Variants in CCDC178 observed in about 807,000 individuals in gnomAD.
The protein encoded by CCDC178 is coiled-coil domain containing 178, also known as coiled-coil domain-containing protein 178.
A neutral mutation model predicts 117.4 loss-of-function variants in CCDC178; 126 were observed. The ratio of observed to expected loss-of-function variants is 1.07; its 90% confidence interval spans 0.93 to 1.24. The LOEUF (loss-of-function observed/expected upper bound fraction) is 1.24, where lower values mean the gene tolerates loss of function less well. Among genes scored for constraint, CCDC178 ranks in the 50% most tolerant of loss-of-function variants. The pLI, the probability that CCDC178 is intolerant of heterozygous loss-of-function variation, is 0.00. For missense variants in CCDC178, 1,030 were observed against 986.9 expected, an observed-to-expected ratio of 1.04 and a Z score of -0.59; for synonymous variants, 283 against 313.4, an observed-to-expected ratio of 0.90 and a Z score of 1.02.
intron 21 of CCDC178, among the ~76,000 whole-genome samples, chr18:33,035,993 GT>G (rs2056437129): frequency 6.6e-6 from 1 of 151,798 alleles, no homozygotes; most frequent in Admixed American, 6.6e-5. Flanking sequence ...GATTTCAAAA[GT>G]TTTTACATTC....
chr18:33,399,384 T>C (rs2063681126), intron 3 of CCDC178, among the ~76,000 whole-genome samples: 1 of 152,208 alleles, frequency 6.6e-6, no homozygotes, highest in African/African-American at 2.4e-5. Context: ...ATTAACCCTT[T>C]TACAAAAGAT....
intron 21 of CCDC178, among the ~76,000 whole-genome samples, chr18:32,990,002 C>T (rs148032988): frequency 1.3e-3 from 200 of 151,984 alleles, no homozygotes; most frequent in African/African-American, 4.4e-3. Flanking sequence ...ATACATTGTT[C>T]GCAGCTGTAA....
intron 11 of CCDC178, 77 bp downstream of exon 11, chr18:33,323,414 T>C: frequency 1.1e-6 from 1 of 917,338 alleles, no homozygotes; most frequent in Non-Finnish European, 1.5e-6. Flanking sequence ...AAATTTTCTA[T>C]ATAGAAATAT....
At chr18:33,185,926 A>C (rs890391578) in intron 20 of CCDC178, among the ~76,000 whole-genome samples, 4 of 151,972 alleles carry the variant, frequency 2.6e-5, no homozygotes, top group East Asian at 1.9e-4. Flanking sequence ...AGAAAAAAAA[A>C]CCACTACACT....
intron 20 of CCDC178, among the ~76,000 whole-genome samples, chr18:33,211,530 A>G (rs172030): frequency 0.16 from 24,330 of 151,536 alleles, 2,715 homozygotes; most frequent in African/African-American, 0.32. Flanking sequence ...AGTGGTTGGT[A>G]AACATTCAAA....
chr18:33,030,735 T>C (rs746781259), intron 21 of CCDC178, among the ~76,000 whole-genome samples: 13 of 151,250 alleles, frequency 8.6e-5, no homozygotes, highest in African/African-American at 3.2e-4. Flanking sequence ...TCACATGAGA[T>C]AGATGATAGA....
At chr18:33,075,819 A>G (rs1288703657) in intron 21 of CCDC178, among the ~76,000 whole-genome samples, 1 of 152,036 alleles carries the variant, frequency 6.6e-6, no homozygotes, top group East Asian at 1.9e-4. Context: ...AAATACAAAA[A>G]TTAGCCAGGC....
At chr18:33,355,458 G>C (rs913301795) in intron 7 of CCDC178, among the ~76,000 whole-genome samples, 1 of 152,154 alleles carries the variant, frequency 6.6e-6, no homozygotes, top group African/African-American at 2.4e-5. Flanking sequence ...GTAATCCTTC[G>C]AGGCTTACCC....
chr18:33,087,809 A>C (rs2145056725), intron 21 of CCDC178, among the ~76,000 whole-genome samples: 1 of 152,324 alleles, frequency 6.6e-6, no homozygotes, highest in South Asian at 2.1e-4. Flanking sequence ...AATACTTATA[A>C]AAATGAGAAT....
chr18:33,337,890 A>T (rs1407741692), intron 9 of CCDC178, among the ~76,000 whole-genome samples: 6 of 152,202 alleles, frequency 3.9e-5, no homozygotes, highest in Admixed American at 3.3e-4. Context: ...AAACGCAACA[A>T]AAACAAAGAT....
chr18:33,036,621 A>G (rs2056449962), intron 21 of CCDC178, among the ~76,000 whole-genome samples: 1 of 151,946 alleles, frequency 6.6e-6, no homozygotes, highest in Admixed American at 6.6e-5. Context: ...AGGGTGGGAA[A>G]CAACTTGGTG....
intron 11 of CCDC178, among the ~76,000 whole-genome samples, chr18:33,320,708 T>G (rs1348202599): frequency 3.9e-5 from 6 of 152,144 alleles, no homozygotes; most frequent in Non-Finnish European, 5.9e-5. Context: ...AAGCTACCAA[T>G]GACTTTCTTC....
intron 7 of CCDC178, 112 bp from the exon 8 acceptor site, chr18:33,349,087 C>T (rs576650486): frequency 4.9e-6 from 3 of 608,642 alleles, no homozygotes; most frequent in Non-Finnish European, 8.4e-6. Flanking sequence ...ACTTACTATA[C>T]AAGATAATCT....
intron 20 of CCDC178, among the ~76,000 whole-genome samples, chr18:33,150,037 T>C (rs1446704984): frequency 2.0e-5 from 3 of 152,042 alleles, no homozygotes; most frequent in African/African-American, 7.2e-5. Context: ...GGCATAAAAA[T>C]AGGCATGTAG....
intron 12 of CCDC178, among the ~76,000 whole-genome samples, chr18:33,280,458 T>C (rs1320636207): frequency 2.6e-5 from 4 of 151,474 alleles, no homozygotes; most frequent in Admixed American, 2.6e-4. Context: ...AAACAACAGG[T>C]GCTGGAGAGG....
intron 14 of CCDC178, among the ~76,000 whole-genome samples, chr18:33,266,601 T>C (rs572490985): frequency 1.5e-5 from 2 of 129,818 alleles, no homozygotes; most frequent in Admixed American, 9.8e-5. Flanking sequence ...AGAGAACACA[T>C]GGACACAGGA....
chr18:33,212,295 CT>C (rs1354058680), intron 19 of CCDC178, among the ~76,000 whole-genome samples: 1 of 151,868 alleles, frequency 6.6e-6, no homozygotes, highest in African/African-American at 2.4e-5. Context: ...ATCCAGCATG[CT>C]TTTGTTCTCT....
In CCDC178 at chr18:33,439,911, G is replaced by GA. The variant is rs2064354728; in HGVS notation, c.-23+50dup. On this transcript the variant is annotated intron_variant, in intron 2 of 22. Transcript: ENST00000383096. ...ATATTCCTGAGTTTGAAGATTGCTG[G>GA]ATCTGACTTTTGTCAAATCACAAAT... The GA allele has an allele frequency of 2.6e-5, 4 of 152,312 alleles. No homozygotes were observed. In the South Asian group the frequency reaches 8.3e-4, roughly 32 times the overall value. The allele number at this position is 152,312 out of a possible 1,614,324, so 9.4% of individuals were successfully genotyped here.
At chr18:33,196,673 C>G (rs1455272664) in intron 20 of CCDC178, among the ~76,000 whole-genome samples, 1 of 152,086 alleles carries the variant, frequency 6.6e-6, no homozygotes, top group Non-Finnish European at 1.5e-5. Flanking sequence ...AAAAGCTGAG[C>G]ATACGAATAT....
Sources: gnomAD v4.1 joint callset for allele counts (sites outside exome capture counted in the v4.1 genomes callset) on GRCh38, gnomAD v4.1.1 for gene constraint, MANE v1.5 for transcripts, NCBI Gene and HGNC (gene_info 2026-07-23, HGNC 2026-07-21) for gene names.